DNAH1: variants seen among roughly 807,000 people sequenced by gnomAD.
The protein encoded by DNAH1 is dynein axonemal heavy chain 1.
In DNAH1, 327 loss-of-function variants were observed where a neutral mutation model predicts 484.3. The ratio of observed to expected loss-of-function variants is 0.68; its 90% CI spans 0.62 to 0.74. DNAH1 has a LOEUF of 0.74. Among genes scored for constraint, DNAH1 ranks in the 30% least tolerant of loss-of-function variants. The pLI, the probability that DNAH1 is intolerant of heterozygous loss-of-function variation, is 0.00. For missense variants in DNAH1, 5,052 were observed against 5,546.8 expected (o/e 0.91, Z 2.83); for synonymous variants, 2,192 against 2,191.9 (o/e 1.00, Z 0.00).
rs1704562476 is a variant in DNAH1, at chr3:52,395,118, A to T, written c.10968+59A>T. ...TGAGCTTGTCCCCACCCTGGGTCCCAGGGCCCTGGCTGCATCTGGATAGAC... is the reference window on the plus strand; with the variant it reads ...TGAGCTTGTCCCCACCCTGGGTCCCTGGGCCCTGGCTGCATCTGGATAGAC... On this transcript the variant is annotated intron_variant, in intron 68 of 77. Transcript: ENST00000420323. This position sits in a 1 kb window ranked among gnomAD's most constrained non-coding sequence, Gnocchi z 4.4. 6.4e-7 allele frequency: 1 copy of T among 1,561,484 alleles called. No individual in the cohort carries two copies. The highest frequency in any genetic ancestry group is 1.4e-5 in the African/African-American group (1 of 73,690).
At chr3:52,320,074 G>A (rs1013884616) in intron 1 of DNAH1, among the ~76,000 whole-genome samples, 1 of 152,204 alleles carries the variant, frequency 6.6e-6, no homozygotes, top group Non-Finnish European at 1.5e-5. Context: ...GCATGTTCAG[G>A]CCCATCTGGG....
rs556552766 is a variant in DNAH1, at chr3:52,397,662, G to C, written c.11788-45G>C. The C allele has an allele frequency of 2.7e-5, 41 of 1,537,392 alleles. 1 individual carries two copies. In the South Asian group the frequency reaches 5.2e-4, roughly 20 times the overall value. ...ATTGGAGGGTAACTCTGAGGGCTGG[G>C]GCAGAGCAAGCCAGGGGCTTCCATG... On this transcript the variant is annotated intron_variant, in intron 73 of 77. Coordinates refer to ENST00000420323, the MANE Select transcript of DNAH1 (RefSeq NM_015512.5).
Position 52,386,858 on chromosome 3 carries a change from G to A in DNAH1, c.9003+5G>A, listed in dbSNP as rs758869460. Reference sequence around the variant, plus strand: ...AGCCTCTTCAAGTTTGACAAGGTAAGCATGCCAGGCACCCTGGCCAGCCAG... The same window carrying A: ...AGCCTCTTCAAGTTTGACAAGGTAAACATGCCAGGCACCCTGGCCAGCCAG... On this transcript the variant is annotated splice_donor_5th_base_variant and intron_variant, in intron 56 of 77. Transcript: ENST00000420323. 9 of 1,550,098 alleles carry A rather than the reference G, an allele frequency of 5.8e-6. No homozygotes were observed. Among genetic ancestry groups the A allele is most frequent in the Non-Finnish European group, 7.8e-6 (9 of 1,147,546 alleles).
chr3:52,358,075 G>C lies in DNAH1; in HGVS notation c.4086+72G>C, dbSNP rs976521876. 1 of 1,174,720 alleles carries C rather than the reference G, an allele frequency of 8.5e-7. No individual in the cohort carries two copies. Among genetic ancestry groups the C allele is most frequent in the African/African-American group, 1.5e-5 (1 of 65,102 alleles). The allele number at this position is 1,174,720 out of a possible 1,614,324, so 72.8% of individuals were successfully genotyped here. On this transcript the variant is annotated intron_variant, in intron 24 of 77. Transcript: ENST00000420323. This position sits in a 1 kb window ranked among gnomAD's most constrained non-coding sequence, Gnocchi z 4.2. ...TCCCAGGGAGAACGTCCCTCCCTTT[G>C]TGATGAGCCCTTTTAGCAGGAAATG...
chr3:52,324,006 TAAG>T, intron 3 of DNAH1, 126 bp downstream of exon 3: 1 of 695,622 alleles, frequency 1.4e-6, no homozygotes, highest in Non-Finnish European at 2.4e-6. Context: ...GCGGGGATAA[TAAG>T]AAACAGGGTG....
Position 52,370,491 on chromosome 3 carries a change from AC to A in DNAH1, c.6276del (p.Ser2093LeufsTer4). ...FLPREGLKKI[P>X]SEKLSRIVEL... ...TTCATCCCCAGGGCCTCAAGAAAAT[AC>A]CCTCTGAAAAGCTGAGTCGCATCGT... On this transcript the variant is annotated frameshift_variant, in exon 40 of 78. Coordinates refer to ENST00000420323, the MANE Select transcript of DNAH1 (RefSeq NM_015512.5). LOFTEE classifies it high-confidence loss of function. The A allele has an allele frequency of 2.5e-6, 4 of 1,613,800 alleles. 1 individual carries two copies. In the South Asian group the frequency reaches 4.4e-5, roughly 18 times the overall value.
At position 52,370,576 on chromosome 3, in the gene DNAH1, G is replaced by A. The variant is rs908689471; in HGVS notation, c.6358G>A (p.Asp2120Asn). The change falls in exon 40 of 78, where the codon GAC becomes AAC. Residue 2120 changes from aspartate to asparagine, a missense_variant. Transcript: ENST00000420323. ...SLIWSVGATG[D>N]SSGRTSFSHW... ...GATCTGGAGCGTGGGTGCCACTGGG[G>A]ACAGCAGTGGCCGCACCAGTTTCAG... The A allele has an allele frequency of 1.9e-6, 3 of 1,613,530 alleles. No homozygotes were observed. The highest frequency in any genetic ancestry group is 1.3e-5 in the African/African-American group (1 of 74,904).
At position 52,361,682 on chromosome 3, in the gene DNAH1, C is replaced by A; in HGVS notation, c.4896C>A (p.Phe1632Leu). 2 of 1,608,756 alleles carry A rather than the reference C, an allele frequency of 1.2e-6. No individual in the cohort carries two copies. Among genetic ancestry groups the A allele is most frequent in the Non-Finnish European group, 1.7e-6 (2 of 1,177,800 alleles). ...TCAGTGCTGGGGCCTGGGCCTGCTTCGACGAGTTCAATCGCATCGACATCG... is the reference window on the plus strand; with the variant it reads ...TCAGTGCTGGGGCCTGGGCCTGCTTAGACGAGTTCAATCGCATCGACATCG... Reference protein sequence around the residue: ...GLASAGAWACFDEFNRIDIEV... With the variant: ...GLASAGAWACLDEFNRIDIEV... Residue 1632 changes from phenylalanine to leucine, a missense_variant, in exon 30 of 78, where the codon TTC becomes TTA. By Grantham distance (22) the Phe-to-Leu change is conservative. Around this residue, in one of 4 missense-constraint regions of DNAH1, gnomAD observed 2,929 missense variants for 3,409.4 expected, o/e 0.86. Coordinates refer to ENST00000420323, the MANE Select transcript of DNAH1 (RefSeq NM_015512.5). This position sits in a 1 kb window ranked among gnomAD's most constrained non-coding sequence, Gnocchi z 5.6.
Position 52,373,001 on chromosome 3 carries a change from G to A in DNAH1, c.6933G>A (p.Glu2311=), listed in dbSNP as rs1388104156. 4 of 1,613,632 alleles carry A rather than the reference G, an allele frequency of 2.5e-6. No homozygotes were observed. Among genetic ancestry groups the A allele is most frequent in the African/African-American group, 1.3e-5 (1 of 75,068 alleles). ...CCTACGGTGCACAGCCACCCATCGA[G>A]CTGTTGCGCCAGTGGATGGACCACG... ...LETYGAQPPI[E]LLRQWMDHGG... The change falls in exon 44 of 78, where the codon GAG becomes GAA. Residue 2311 remains glutamate, a synonymous_variant. Coordinates refer to ENST00000420323, the MANE Select transcript of DNAH1 (RefSeq NM_015512.5).
At chr3:52,378,861 TG>T in intron 47 of DNAH1, 81 bp downstream of exon 47, 1 of 1,562,258 alleles carries the variant, frequency 6.4e-7, no homozygotes, top group Non-Finnish European at 8.7e-7. Context: ...CAGGCCTTCC[TG>T]CCCAAACAGG....
At chr3:52,313,430 T>C (rs1411875196), upstream of DNAH1, among the ~76,000 whole-genome samples, 1 of 152,184 alleles carries the variant, frequency 6.6e-6, no homozygotes, top group Non-Finnish European at 1.5e-5. Context: ...CTTTGTCTCA[T>C]GGTCTTTTCC....
intron 67 of DNAH1, 52 bp from the exon 68 acceptor site, chr3:52,394,863 C>T (rs1704548833): frequency 1.3e-6 from 2 of 1,597,232 alleles, no homozygotes; most frequent in Non-Finnish European, 8.5e-7. Flanking sequence ...CTGGGGCCAC[C>T]AACCTCCTTC....
intron 34 of DNAH1, among the ~76,000 whole-genome samples, chr3:52,365,863 T>C (rs984148187): frequency 2.2e-4 from 33 of 152,226 alleles, no homozygotes; most frequent in African/African-American, 7.5e-4. Context: ...GCTTGTTGAA[T>C]GAAGCCTCAA....
intron 23 of DNAH1, 77 bp downstream of exon 23, chr3:52,357,812 A>G: frequency 6.3e-7 from 1 of 1,577,470 alleles, no homozygotes; most frequent in Non-Finnish European, 8.6e-7. Context: ...TGCTCAGGCT[A>G]GGGTGCGGGG....
chr3:52,363,965 C>G (rs1004361417), intron 32 of DNAH1, among the ~76,000 whole-genome samples: 2 of 152,204 alleles, frequency 1.3e-5, no homozygotes, highest in Non-Finnish European at 2.9e-5. Flanking sequence ...TGCTCCCCAC[C>G]CCCAATCAGA....
Position 52,398,678 on chromosome 3 carries a change from CAT to C in DNAH1, c.12090-171_12090-170del, listed in dbSNP as rs541487116. Among the ~76,000 whole-genome samples, 4 of 152,078 alleles carry C rather than the reference CAT, an allele frequency of 2.6e-5. No homozygotes were observed. In the South Asian group the frequency reaches 6.2e-4, roughly 24 times the overall value. On this transcript the variant is annotated intron_variant, in intron 75 of 77. Transcript: ENST00000420323. ...TAAGCTATCCAAGTCCAACTTCACA[CAT>C]GTGCTAAGGGCCAGAGCTGGGATTT...
rs767603395 is a variant in DNAH1, at chr3:52,398,025, C to T, written c.11959-7C>T. On this transcript the variant is annotated splice_polypyrimidine_tract_variant and splice_region_variant and intron_variant, in intron 74 of 77. Coordinates refer to ENST00000420323, the MANE Select transcript of DNAH1 (RefSeq NM_015512.5). ...CTTGACCCCACAGTATTCCTTTGCC[C>T]CTGCAGATAGTGGAGGACGTCACCC... 35 of 1,612,468 alleles carry T rather than the reference C, an allele frequency of 2.2e-5. No individual in the cohort carries two copies. The highest frequency in any genetic ancestry group is 2.9e-5 in the Non-Finnish European group (34 of 1,179,156).
In DNAH1 at chr3:52,370,184, C is replaced by T. The variant is rs780168132; in HGVS notation, c.6213C>T (p.Leu2071=). 2.5e-6 allele frequency: 4 copies of T among 1,614,020 alleles called. No homozygotes were observed. Among genetic ancestry groups the T allele is most frequent in the Non-Finnish European group, 3.4e-6 (4 of 1,179,896 alleles). The part of the protein sequence containing the change: ...ASTNCNLTMS[L]LKLLDCFFKP... The stretch of plus-strand genomic sequence containing the variant: ...CCAACTGCAACCTGACCATGAGCCT[C>T]CTCAAGCTGCTGGACTGCTTCTTCA... The change falls in exon 39 of 78, where the codon CTC becomes CTT. Residue 2071 remains leucine, a synonymous_variant. Coordinates refer to ENST00000420323, the MANE Select transcript of DNAH1 (RefSeq NM_015512.5).
intron 41 of DNAH1, 48 bp downstream of exon 41, chr3:52,370,873 T>A (rs768565576): frequency 6.5e-7 from 1 of 1,535,132 alleles, no homozygotes; most frequent in Non-Finnish European, 8.8e-7. Flanking sequence ...GACCACTGGG[T>A]GGCTGCTGTT....
Sources: gnomAD v4.1 joint callset for allele counts (sites outside exome capture counted in the v4.1 genomes callset) on GRCh38, gnomAD v4.1.1 for gene constraint, gnomAD v4.1.1 regional missense constraint, Gnocchi (gnomAD v3.1) non-coding constraint, MANE v1.5 for transcripts, NCBI Gene and HGNC (gene_info 2026-07-23, HGNC 2026-07-21) for gene names.